The following MX2 variants were observed in gnomAD, a reference collection of about 807,000 sequenced individuals.
MX2 encodes the protein interferon-induced GTP-binding protein Mx2.
MX2 carries 51 observed loss-of-function variants against 74.0 expected under a neutral mutation model. The ratio of observed to expected loss-of-function variants is 0.69; its 90% CI spans 0.55 to 0.87. The LOEUF (loss-of-function observed/expected upper bound fraction) is 0.87, where lower values mean the gene tolerates loss of function less well. Among genes scored for constraint, MX2 ranks in the 40% least tolerant of loss-of-function variants. The probability of loss-of-function intolerance (pLI) is 0.00; values close to 1 mark genes in which losing one functional copy is unlikely to be tolerated. For synonymous variants in MX2, 369 were observed against 339.3 expected (o/e 1.09, Z -0.96); for missense variants, 832 against 908.7 (o/e 0.92, Z 1.09).
At chr21:41,384,580 G>T (rs1377629513) in intron 5 of MX2, among the ~76,000 whole-genome samples, 1 of 152,196 alleles carries the variant, frequency 6.6e-6, no homozygotes, top group Admixed American at 6.5e-5. Context: ...TATGGGACTG[G>T]TTAATCCCTA....
rs145600280 is a variant in MX2, at chr21:41,377,950, A to C, written c.411A>C (p.Ala137=). ...CGGGCAAGAGCTCTGTGCTGGAGGC[A>C]CTGTCAGGAGTCGCGCTTCCCAGAG... ...QSSGKSSVLE[A]LSGVALPRGS... Residue 137 remains alanine (A), a synonymous_variant, in exon 3 of 14, where the codon GCA becomes GCC. Transcript: ENST00000330714. 166 of 1,614,072 alleles carry C rather than the reference A, an allele frequency of 1.0e-4. No homozygotes were observed. The highest frequency in any genetic ancestry group is 1.3e-4 in the Non-Finnish European group (154 of 1,179,926).
rs148261030 is a variant in MX2, at chr21:41,391,477, C to T, written c.871+774C>T. On this transcript the variant is annotated intron_variant, in intron 6 of 13. Transcript: ENST00000330714. ...TCTAGGCTCACTGTAACCTCTGCCTCCTGGATTCAATTCTCCTGCCTCAGC... is the reference window on the plus strand; with the variant it reads ...TCTAGGCTCACTGTAACCTCTGCCTTCTGGATTCAATTCTCCTGCCTCAGC... 1.8e-3 allele frequency among the ~76,000 whole-genome samples: 270 copies of T among 151,556 alleles called. 1 individual carries two copies. Among genetic ancestry groups the T allele is most frequent in the African/African-American group, 6.2e-3 (255 of 41,148 alleles).
At position 41,377,001 on chromosome 21, in the gene MX2, A is replaced by T. The variant is rs773174691; in HGVS notation, c.95A>T (p.Gln32Leu). The T allele has an allele frequency of 1.4e-5, 23 of 1,614,198 alleles. No individual in the cohort carries two copies. Among genetic ancestry groups the T allele is most frequent in the Non-Finnish European group, 1.6e-5 (19 of 1,180,048 alleles). The change falls in exon 2 of 14, where the codon CAG becomes CTG. Residue 32 changes from glutamine to leucine, a missense_variant. By Grantham distance (113) the Gln-to-Leu change is moderately radical. Transcript: ENST00000330714. ...LKKEMNSFQQQPPPFGTVPPQ... is the reference protein window; with the variant it reads ...LKKEMNSFQQLPPPFGTVPPQ... Reference sequence around the variant, plus strand: ...AAAGAAATGAATTCCTTCCAGCAACAGCCACCGCCATTCGGCACAGTGCCA... The same window carrying T: ...AAAGAAATGAATTCCTTCCAGCAACTGCCACCGCCATTCGGCACAGTGCCA...
At chr21:41,400,157 C>T (rs946402114) in intron 10 of MX2, among the ~76,000 whole-genome samples, 5 of 152,218 alleles carry the variant, frequency 3.3e-5, no homozygotes, top group South Asian at 2.1e-4. Context: ...ACCTGGGATA[C>T]TTATTTATTT....
intron 6 of MX2, among the ~76,000 whole-genome samples, chr21:41,393,128 A>AAAAAAAAAAAAAAAAAG (rs2089685157): frequency 7.1e-6 from 1 of 139,936 alleles, no homozygotes. Context: ...AAAAAAAAAA[A>AAAAAAAAAAAAAAAAAG]AAAGAAAGAA....
In MX2 at chr21:41,377,236, A is replaced by T. The variant is rs1288361231; in HGVS notation, c.249+81A>T. 3.8e-6 allele frequency: 6 copies of T among 1,562,700 alleles called. No homozygotes were observed. In the East Asian group the frequency reaches 1.1e-4, roughly 29 times the overall value. Reference sequence around the variant, plus strand: ...GGCTGTCATGTAAGCCCACCACAATAATAGAACCAGCCAGTCTGCTCCTCC... The same window carrying T: ...GGCTGTCATGTAAGCCCACCACAATTATAGAACCAGCCAGTCTGCTCCTCC... On this transcript the variant is annotated intron_variant, in intron 2 of 13. Transcript: ENST00000330714.
intron 7 of MX2, among the ~76,000 whole-genome samples, chr21:41,396,996 A>G (rs1251243640): frequency 6.6e-6 from 1 of 152,188 alleles, no homozygotes; most frequent in Non-Finnish European, 1.5e-5. Context: ...CCGCTTCTCA[A>G]GGTCTTTGGG....
chr21:41,407,862 A>T, intron 13 of MX2, 129 bp from the exon 14 acceptor site: 2 of 1,149,142 alleles, frequency 1.7e-6, no homozygotes, highest in Non-Finnish European at 2.5e-6. Context: ...ACCGGAGTGG[A>T]GGTGGGCGAG....
At chr21:41,378,908 T>C (rs1395661328) in intron 3 of MX2, among the ~76,000 whole-genome samples, 1 of 152,184 alleles carries the variant, frequency 6.6e-6, no homozygotes, top group Admixed American at 6.5e-5. Context: ...TGCTGCTTAC[T>C]TCTCAACCCA....
At chr21:41,403,453 CAGGCTGGCG>C (rs1568950448) in intron 12 of MX2, 110 bp downstream of exon 12, 11 of 1,025,818 alleles carry the variant, frequency 1.1e-5, no homozygotes, top group Non-Finnish European at 1.7e-5. Flanking sequence ...GATGTAATGG[CAGGCTGGCG>C]AGGCTGGCAG....
At chr21:41,392,406 A>T (rs1041991876) in intron 6 of MX2, among the ~76,000 whole-genome samples, 1 of 152,248 alleles carries the variant, frequency 6.6e-6, no homozygotes, top group Admixed American at 6.5e-5. Flanking sequence ...GTGAAATTCC[A>T]GTAAGAAAAG....
Position 41,395,883 on chromosome 21 carries a change from A to G in MX2, c.1070+98A>G, listed in dbSNP as rs931489644. 8 of 1,219,084 alleles carry G rather than the reference A, an allele frequency of 6.6e-6. No homozygotes were observed. In the African/African-American group the frequency reaches 1.0e-4, roughly 16 times the overall value. 75.5% of individuals were successfully genotyped at this position (1,219,084 alleles called of 1,614,324 possible). A position where few individuals can be genotyped will look rare whatever the true frequency, so the allele number is the denominator to read the frequency against. On this transcript the variant is annotated intron_variant, in intron 7 of 13. Transcript: ENST00000330714. ...CATGACCAAAGTGTATGCACAAATTACACAAGGTAGTATAACCTAGCCTCA... is the reference window on the plus strand; with the variant it reads ...CATGACCAAAGTGTATGCACAAATTGCACAAGGTAGTATAACCTAGCCTCA...
chr21:41,396,843 ACT>A (rs1010744003), intron 7 of MX2, among the ~76,000 whole-genome samples: 8 of 152,190 alleles, frequency 5.3e-5, no homozygotes, highest in African/African-American at 1.9e-4. Context: ...TGAGCAGCAG[ACT>A]CTCTGGAGAG....
intron 1 of MX2, among the ~76,000 whole-genome samples, chr21:41,372,671 T>G (rs961316130): frequency 4.6e-5 from 7 of 152,228 alleles, no homozygotes; most frequent in African/African-American, 1.7e-4. Context: ...TACTCATTTT[T>G]GATGTGAACA....
chr21:41,376,062 G>A (rs1238836635), intron 1 of MX2, among the ~76,000 whole-genome samples: 1 of 152,202 alleles, frequency 6.6e-6, no homozygotes, highest in Non-Finnish European at 1.5e-5. Flanking sequence ...TGAGAACTGG[G>A]GCCCAACACC....
intron 10 of MX2, chr21:41,401,102 A>G (rs1392743773): frequency 2.0e-5 from 3 of 152,152 alleles, no homozygotes; most frequent in Non-Finnish European, 4.4e-5. Flanking sequence ...ATCACCTCCC[A>G]CCAGGTTGCT....
intron 1 of MX2, among the ~76,000 whole-genome samples, chr21:41,374,641 C>G (rs376364): frequency 0.48 from 73,269 of 152,152 alleles, 21,024 homozygotes; most frequent in East Asian, 0.81. Flanking sequence ...GCTAGCTTCC[C>G]ACTTCTCCAG....
chr21:41,392,683 T>C, intron 6 of MX2, among the ~76,000 whole-genome samples: 1 of 152,220 alleles, frequency 6.6e-6, no homozygotes, highest in East Asian at 1.9e-4. Context: ...TTTATTACCA[T>C]TTTTGTAAAG....
intron 4 of MX2, 32 bp from the exon 5 acceptor site, chr21:41,382,378 G>A: frequency 6.2e-7 from 1 of 1,606,110 alleles, no homozygotes; most frequent in Non-Finnish European, 8.5e-7. Flanking sequence ...ATTAATGAGG[G>A]CTCTGGGTTT....
Sources: allele counts gnomAD v4.1 joint callset (sites outside exome capture counted in the v4.1 genomes callset), GRCh38; gene constraint gnomAD v4.1.1; transcripts MANE v1.5; gene names NCBI Gene and HGNC (gene_info 2026-07-23, HGNC 2026-07-21).